ROR2: variants seen among roughly 807,000 people sequenced by gnomAD.
The protein encoded by ROR2 is tyrosine-protein kinase transmembrane receptor ROR2.
Under a neutral mutation model 74.9 loss-of-function variants are expected in ROR2, and 33 were observed. The observed-to-expected ratio is 0.44, with a 90% confidence interval of 0.33 to 0.59. The LOEUF is 0.59. Ranked by LOEUF, ROR2 falls within the 20% of genes least tolerant of loss-of-function variation. The pLI, the probability that ROR2 is intolerant of heterozygous loss-of-function variation, is 0.02. For synonymous variants in ROR2, 586 were observed against 558.7 expected (o/e 1.05, Z -0.69); for missense variants, 1,216 against 1,313.8 (o/e 0.93, Z 1.15).
At chr9:91,810,744 G>T (rs76976524) in intron 1 of ROR2, among the ~76,000 whole-genome samples, 1,701 of 152,338 alleles carry the variant, frequency 0.011, 73 homozygotes, top group Admixed American at 0.067. Flanking sequence ...CACCAGGTGT[G>T]GCCGGAACAG....
At chr9:91,763,692 G>A (rs544854068) in intron 2 of ROR2, among the ~76,000 whole-genome samples, 2 of 152,140 alleles carry the variant, frequency 1.3e-5, no homozygotes, top group South Asian at 4.2e-4. Context: ...CCTTTTCTAT[G>A]TATGCATTAA....
intron 1 of ROR2, among the ~76,000 whole-genome samples, chr9:91,924,462 T>A (rs977561412): frequency 1.3e-5 from 2 of 152,220 alleles, no homozygotes; most frequent in African/African-American, 4.8e-5. Context: ...AACTTTTACG[T>A]GCATTAGAGA....
At chr9:91,910,330 A>C (rs1830944201) in intron 1 of ROR2, among the ~76,000 whole-genome samples, 1 of 152,170 alleles carries the variant, frequency 6.6e-6, no homozygotes, top group South Asian at 2.1e-4. Context: ...ACTCCAAAAT[A>C]TCTGGGCTTA....
At chr9:91,896,985 C>T (rs1299783168) in intron 1 of ROR2, among the ~76,000 whole-genome samples, 1 of 152,154 alleles carries the variant, frequency 6.6e-6, no homozygotes, top group Non-Finnish European at 1.5e-5. Flanking sequence ...ATTTAAAGAG[C>T]GAGTGGGAGC....
chr9:91,745,854 T>C (rs934410030), intron 4 of ROR2, among the ~76,000 whole-genome samples: 10 of 152,188 alleles, frequency 6.6e-5, no homozygotes, highest in Non-Finnish European at 1.3e-4. Flanking sequence ...GGTTCTGTAC[T>C]ATGGGATTTA....
In ROR2 at chr9:91,760,497, G is replaced by C. The variant is rs936034284; in HGVS notation, c.176-2938C>G. Reference sequence around the variant, plus strand: ...AAATAAAAAAAAATTAGCCAGGCGAGGTGGCGGGCGCCTGTACTCCTTGCT... The same window carrying C: ...AAATAAAAAAAAATTAGCCAGGCGACGTGGCGGGCGCCTGTACTCCTTGCT... On this transcript the variant is annotated intron_variant, in intron 2 of 8. Transcript: ENST00000375708. Among the ~76,000 whole-genome samples the C allele has an allele frequency of 2.0e-5, 3 of 152,110 alleles. No individual in the cohort carries two copies. In the East Asian group the frequency reaches 5.8e-4, roughly 29 times the overall value.
chr9:91,820,599 T>C (rs958202240), intron 1 of ROR2, among the ~76,000 whole-genome samples: 34 of 145,560 alleles, frequency 2.3e-4, no homozygotes, highest in African/African-American at 8.4e-4. Context: ...ACGTGCGCAA[T>C]GCTGTTTCAC....
intron 1 of ROR2, among the ~76,000 whole-genome samples, chr9:91,889,931 G>C (rs952034733): frequency 1.3e-5 from 2 of 152,134 alleles, no homozygotes; most frequent in Non-Finnish European, 2.9e-5. Flanking sequence ...TATAATATTA[G>C]CGGGGAGGGG....
At chr9:91,943,534 C>T (rs940233189) in intron 1 of ROR2, among the ~76,000 whole-genome samples, 1 of 152,110 alleles carries the variant, frequency 6.6e-6, no homozygotes, top group Non-Finnish European at 1.5e-5. Context: ...ACACTATTAA[C>T]ACACTTCTTA....
chr9:91,773,344 C>A (rs1300249341), intron 2 of ROR2, among the ~76,000 whole-genome samples: 2 of 151,930 alleles, frequency 1.3e-5, no homozygotes, highest in East Asian at 3.9e-4. Context: ...TCCTCTGCTT[C>A]TCCTCAAACC....
At chr9:91,831,837 G>A (rs989115127) in intron 1 of ROR2, among the ~76,000 whole-genome samples, 3 of 152,086 alleles carry the variant, frequency 2.0e-5, no homozygotes, top group Non-Finnish European at 4.4e-5. Context: ...AGCAAGGGAA[G>A]GACTGCAGAC....
intron 1 of ROR2, among the ~76,000 whole-genome samples, chr9:91,916,286 T>A (rs1264485102): frequency 6.6e-6 from 1 of 152,278 alleles, no homozygotes; most frequent in African/African-American, 2.4e-5. Flanking sequence ...AAGTCATGGA[T>A]AATCTTACGT....
chr9:91,736,244 T>A (rs1194810942), intron 5 of ROR2, among the ~76,000 whole-genome samples: 1 of 152,164 alleles, frequency 6.6e-6, no homozygotes, highest in Non-Finnish European at 1.5e-5. Context: ...CCTGGCCCTG[T>A]CCTCAGAGGT....
In ROR2 at chr9:91,936,571, T is replaced by G. The variant is rs75740227; in HGVS notation, c.97+13296A>C. ...TTCTGAGGTACTGGAAGTTAGGACT[T>G]CAACATATCTTCTTTTGAGCAATTC... On this transcript the variant is annotated intron_variant, in intron 1 of 8. Transcript: ENST00000375708. Among the ~76,000 whole-genome samples, 54 of 152,320 alleles carry G rather than the reference T, an allele frequency of 3.5e-4. 2 individuals carry two copies. In the East Asian group the frequency reaches 7.9e-3, roughly 22 times the overall value.
At chr9:91,794,262 C>G (rs529123583) in intron 1 of ROR2, among the ~76,000 whole-genome samples, 1 of 152,354 alleles carries the variant, frequency 6.6e-6, no homozygotes, top group East Asian at 1.9e-4. Context: ...ACCACTTCTC[C>G]TTAGTTATTT....
intron 2 of ROR2, among the ~76,000 whole-genome samples, chr9:91,766,103 G>A (rs1826050232): frequency 6.6e-6 from 1 of 152,194 alleles, no homozygotes; most frequent in Non-Finnish European, 1.5e-5. Flanking sequence ...AGCCCTGCAG[G>A]ATTTGCTGTG....
intron 1 of ROR2, among the ~76,000 whole-genome samples, chr9:91,842,125 A>T (rs768835058): frequency 2.0e-5 from 3 of 152,210 alleles, no homozygotes; most frequent in Admixed American, 6.5e-5. Flanking sequence ...AAGAAGAGAG[A>T]GAAAGAGAAG....
chr9:91,772,305 G>C (rs147824805), intron 2 of ROR2, among the ~76,000 whole-genome samples: 107 of 152,350 alleles, frequency 7.0e-4, no homozygotes, highest in African/African-American at 2.5e-3. Context: ...TCATCACGAT[G>C]GTGATGCTAA....
chr9:91,901,490 A>G (rs1252868453), intron 1 of ROR2, among the ~76,000 whole-genome samples: 1 of 152,158 alleles, frequency 6.6e-6, no homozygotes, highest in African/African-American at 2.4e-5. Flanking sequence ...TGGGCTCAGT[A>G]CATTATCTGC....
Sources: allele counts gnomAD v4.1 joint callset (sites outside exome capture counted in the v4.1 genomes callset), GRCh38; gene constraint gnomAD v4.1.1; transcripts MANE v1.5; gene names NCBI Gene and HGNC (gene_info 2026-07-23, HGNC 2026-07-21).